SLC24A3: variants seen among roughly 807,000 people sequenced by gnomAD.
SLC24A3 encodes the protein sodium/potassium/calcium exchanger 3.
SLC24A3 carries 28 observed loss-of-function variants against 75.8 expected under a neutral mutation model. That is an observed-to-expected ratio of 0.37 (90% CI 0.27 to 0.51). The LOEUF (loss-of-function observed/expected upper bound fraction) is 0.51. SLC24A3 is among the 20% of genes least tolerant of loss of function. The pLI, the probability that SLC24A3 is intolerant of heterozygous loss-of-function variation, is 0.94. For synonymous variants in SLC24A3, 372 were observed against 334.1 expected, an observed-to-expected ratio of 1.11 and a Z score of -1.24; for missense variants, 663 against 847.8, an observed-to-expected ratio of 0.78 and a Z score of 2.71.
intron 6 of SLC24A3, among the ~76,000 whole-genome samples, chr20:19,653,441 G>A (rs753369322): frequency 2.0e-5 from 3 of 152,198 alleles, no homozygotes; most frequent in Non-Finnish European, 4.4e-5. Flanking sequence ...GCAAGGCCAG[G>A]CATATAATAG....
At chr20:19,411,219 C>T (rs892291606) in intron 2 of SLC24A3, among the ~76,000 whole-genome samples, 2 of 152,178 alleles carry the variant, frequency 1.3e-5, no homozygotes, top group Non-Finnish European at 2.9e-5. Context: ...ATTACCCCTT[C>T]CTTAGGTGCT....
At chr20:19,455,022 C>G (rs1157357426) in intron 2 of SLC24A3, among the ~76,000 whole-genome samples, 1 of 152,092 alleles carries the variant, frequency 6.6e-6, no homozygotes, top group Non-Finnish European at 1.5e-5. Flanking sequence ...TGTTCTATGT[C>G]TTTTTTTATC....
At chr20:19,622,237 G>A (rs1197833479) in intron 6 of SLC24A3, among the ~76,000 whole-genome samples, 2 of 152,232 alleles carry the variant, frequency 1.3e-5, no homozygotes, top group Non-Finnish European at 2.9e-5. Flanking sequence ...TAAGATGTAT[G>A]GAGAAGGAAG....
At chr20:19,301,350 C>G (rs774156417) in intron 2 of SLC24A3, among the ~76,000 whole-genome samples, 9 of 152,190 alleles carry the variant, frequency 5.9e-5, no homozygotes, top group Non-Finnish European at 1.3e-4. Flanking sequence ...GCTGTTTCAG[C>G]TCCTCTTAAG....
intron 2 of SLC24A3, among the ~76,000 whole-genome samples, chr20:19,323,205 CA>C (rs1172583632): frequency 0.072 from 4,390 of 61,126 alleles, 25 homozygotes; most frequent in African/African-American, 0.08. Flanking sequence ...GACTCCGTCT[CA>C]AAAAAAAAAA....
chr20:19,704,104 G>A (rs151097114), intron 15 of SLC24A3, among the ~76,000 whole-genome samples: 8 of 152,260 alleles, frequency 5.3e-5, no homozygotes, highest in African/African-American at 1.2e-4. Context: ...TGTGCCTAGC[G>A]CAGTGCTTGG....
chr20:19,515,242 G>A (rs140255054), intron 2 of SLC24A3, among the ~76,000 whole-genome samples: 85 of 152,330 alleles, frequency 5.6e-4, no homozygotes, highest in African/African-American at 2.0e-3. Flanking sequence ...CAAGTATGAT[G>A]GTATGACGTG....
At chr20:19,474,243 C>T (rs1279774766) in intron 2 of SLC24A3, among the ~76,000 whole-genome samples, 1 of 152,208 alleles carries the variant, frequency 6.6e-6, no homozygotes, top group East Asian at 1.9e-4. Flanking sequence ...CATTATATGA[C>T]TTCAGGTGAT....
At chr20:19,644,962 A>G (rs539667829) in intron 6 of SLC24A3, among the ~76,000 whole-genome samples, 226 of 152,310 alleles carry the variant, frequency 1.5e-3, no homozygotes, top group African/African-American at 5.2e-3. Flanking sequence ...TGAAGCAACA[A>G]CCATAGCCAC....
At chr20:19,685,396 C>A (rs1414019014) in intron 12 of SLC24A3, 35 bp downstream of exon 12, 1 of 1,603,716 alleles carries the variant, frequency 6.2e-7, no homozygotes, top group South Asian at 1.1e-5. Flanking sequence ...GGGTTGGGAG[C>A]TATTTTGAGC....
At chr20:19,453,660 A>G (rs1321585913) in intron 2 of SLC24A3, among the ~76,000 whole-genome samples, 2 of 152,150 alleles carry the variant, frequency 1.3e-5, no homozygotes, top group Non-Finnish European at 2.9e-5. Context: ...TATTCACAAG[A>G]TTTGCTTTAG....
At chr20:19,682,466 CT>C (rs2032626299) in intron 10 of SLC24A3, among the ~76,000 whole-genome samples, 2 of 152,078 alleles carry the variant, frequency 1.3e-5, no homozygotes, top group Admixed American at 1.3e-4. Context: ...CATCTCATAC[CT>C]GGTAAGCCCC....
chr20:19,455,968 C>G (rs1987571323), intron 2 of SLC24A3, among the ~76,000 whole-genome samples: 1 of 152,228 alleles, frequency 6.6e-6, no homozygotes, highest in African/African-American at 2.4e-5. Flanking sequence ...GATATTTTGA[C>G]ATAGATGAAT....
chr20:19,349,629 G>A (rs930956372), intron 2 of SLC24A3, among the ~76,000 whole-genome samples: 2 of 152,172 alleles, frequency 1.3e-5, no homozygotes, highest in African/African-American at 2.4e-5. Flanking sequence ...TGAGGTGCAT[G>A]CTCTGTGTGG....
chr20:19,687,363 G>A (rs1407421101), intron 12 of SLC24A3, among the ~76,000 whole-genome samples: 2 of 152,140 alleles, frequency 1.3e-5, no homozygotes, highest in East Asian at 3.9e-4. Flanking sequence ...TTTGCAGCTA[G>A]ATCAGGCACC....
chr20:19,393,277 A>G (rs1986396850), intron 2 of SLC24A3, among the ~76,000 whole-genome samples: 2 of 152,164 alleles, frequency 1.3e-5, no homozygotes, highest in Non-Finnish European at 1.5e-5. Flanking sequence ...CGAGGGTATG[A>G]TAGAGACTGT....
At chr20:19,673,463 G>T in intron 8 of SLC24A3, 138 bp from the exon 9 acceptor site, 1 of 696,054 alleles carries the variant, frequency 1.4e-6, no homozygotes. Context: ...CTCTAGACCA[G>T]GAAATATCCG....
intron 2 of SLC24A3, among the ~76,000 whole-genome samples, chr20:19,346,077 A>ATG (rs201204507): frequency 3.3e-5 from 2 of 60,300 alleles, no homozygotes; most frequent in Non-Finnish European, 5.1e-5. Flanking sequence ...ATATATATAT[A>ATG]TATATATATA....
At chr20:19,237,306 T>C (rs192949808) in intron 1 of SLC24A3, among the ~76,000 whole-genome samples, 311 of 152,208 alleles carry the variant, frequency 2.0e-3, no homozygotes, top group African/African-American at 7.3e-3. Flanking sequence ...GGGTCGTGCA[T>C]CTGGATTTGG....
Sources: allele counts gnomAD v4.1 joint callset (sites outside exome capture counted in the v4.1 genomes callset), GRCh38; gene constraint gnomAD v4.1.1; transcripts MANE v1.5; gene names NCBI Gene and HGNC (gene_info 2026-07-23, HGNC 2026-07-21).